The following ITGA8 variants were observed in gnomAD, a reference collection of about 807,000 sequenced individuals.
ITGA8 encodes the protein integrin alpha-8.
In ITGA8, 91 loss-of-function variants were observed where a neutral mutation model predicts 142.3. The ratio of observed to expected loss-of-function variants is 0.64; its 90% CI spans 0.54 to 0.76. The LOEUF (loss-of-function observed/expected upper bound fraction) is 0.76, where lower values mean the gene tolerates loss of function less well. ITGA8 is among the 30% of genes least tolerant of loss of function. The pLI, the probability that ITGA8 is intolerant of heterozygous loss-of-function variation, is 0.00. For missense variants in ITGA8, 1,406 were observed against 1,327.7 expected, an observed-to-expected ratio of 1.06 and a Z score of -0.92; for synonymous variants, 505 against 485.2, an observed-to-expected ratio of 1.04 and a Z score of -0.54.
At chr10:15,663,535 C>G (rs1834328998) in intron 8 of ITGA8, among the ~76,000 whole-genome samples, 1 of 151,632 alleles carries the variant, frequency 6.6e-6, no homozygotes, top group Non-Finnish European at 1.5e-5. Flanking sequence ...TTTCTTGGGT[C>G]AAAACTGAAT....
chr10:15,628,250 G>T (rs543800252), intron 13 of ITGA8, among the ~76,000 whole-genome samples: 1 of 151,140 alleles, frequency 6.6e-6, no homozygotes, highest in South Asian at 2.1e-4. Context: ...TCTGCCTATG[G>T]CAGCCATTCT....
Position 15,586,565 on chromosome 10 carries a change from T to C in ITGA8, c.2372+19A>G. The C allele has an allele frequency of 2.1e-6, 3 of 1,450,162 alleles. No individual in the cohort carries two copies. The highest frequency in any genetic ancestry group is 2.9e-6 in the Non-Finnish European group (3 of 1,030,794). 89.8% of individuals were successfully genotyped at this position (1,450,162 alleles called of 1,614,324 possible). The stretch of plus-strand genomic sequence containing the variant: ...CTACATACAGAAGGATATTGTACTA[T>C]GCATTGCTTACTACTTACCCTCTTA... On this transcript the variant is annotated intron_variant, in intron 23 of 29. Transcript: ENST00000378076.
intron 12 of ITGA8, among the ~76,000 whole-genome samples, chr10:15,645,745 G>A (rs1588695779): frequency 1.3e-5 from 2 of 151,988 alleles, no homozygotes; most frequent in African/African-American, 4.8e-5. Context: ...CACTATGCTC[G>A]GTTCTTAACT....
At chr10:15,652,517 T>C (rs1192401426) in intron 11 of ITGA8, among the ~76,000 whole-genome samples, 1 of 152,012 alleles carries the variant, frequency 6.6e-6, no homozygotes, top group Non-Finnish European at 1.5e-5. Flanking sequence ...GTAAGCGTTA[T>C]GAAAACTGGA....
intron 24 of ITGA8, among the ~76,000 whole-genome samples, chr10:15,573,163 C>T (rs1834218796): frequency 1.3e-5 from 2 of 151,658 alleles, no homozygotes; most frequent in Non-Finnish European, 2.9e-5. Flanking sequence ...TTTAATTCAC[C>T]TTATCAAAGA....
At chr10:15,594,642 T>G (rs963391241) in intron 21 of ITGA8, among the ~76,000 whole-genome samples, 73 of 151,884 alleles carry the variant, frequency 4.8e-4, no homozygotes, top group African/African-American at 1.7e-3. Context: ...ACTAGCTGAG[T>G]GTGGTGGTGA....
At chr10:15,567,636 A>G (rs945190736) in intron 25 of ITGA8, among the ~76,000 whole-genome samples, 1 of 152,194 alleles carries the variant, frequency 6.6e-6, no homozygotes, top group South Asian at 2.1e-4. Flanking sequence ...AGAAACAGGA[A>G]CTCAAAGGCA....
rs1835532254 is a variant in ITGA8, at chr10:15,719,871, G to A, written c.-100C>T. On this transcript the variant is annotated 5_prime_UTR_variant, in exon 1 of 30. It adds an upstream start codon to the 5' untranslated region. Coordinates refer to ENST00000378076, the MANE Select transcript of ITGA8 (RefSeq NM_003638.3). ...GGAATCTGGCGGTCCCCAGCTGCCC[G>A]TGTCCCGGGTCGGTGCGCTCGGCGC... The A allele has an allele frequency of 3.2e-6, 3 of 934,546 alleles. No homozygotes were observed. Among genetic ancestry groups the A allele is most frequent in the East Asian group, 3.3e-5 (1 of 30,194 alleles). 57.9% of individuals were successfully genotyped at this position (934,546 alleles called of 1,614,324 possible). A position where few individuals can be genotyped will look rare whatever the true frequency, so the allele number is the denominator to read the frequency against.
intron 10 of ITGA8, among the ~76,000 whole-genome samples, chr10:15,657,404 C>T (rs537542161): frequency 5.9e-5 from 9 of 151,924 alleles, no homozygotes; most frequent in East Asian, 3.9e-4. Context: ...TAAAATGCTT[C>T]GCTGAAAATT....
chr10:15,544,260 T>C (rs562719768), intron 27 of ITGA8, among the ~76,000 whole-genome samples: 11 of 152,156 alleles, frequency 7.2e-5, no homozygotes, highest in Non-Finnish European at 1.6e-4. Flanking sequence ...ACTGCACCAC[T>C]TCACTCCAGC....
At chr10:15,534,275 C>G (rs553137752) in intron 27 of ITGA8, among the ~76,000 whole-genome samples, 1 of 152,198 alleles carries the variant, frequency 6.6e-6, no homozygotes, top group Non-Finnish European at 1.5e-5. Flanking sequence ...AGATCAGTCT[C>G]AGAGATTCTG....
intron 12 of ITGA8, among the ~76,000 whole-genome samples, chr10:15,644,986 G>C (rs1833951654): frequency 6.6e-6 from 1 of 150,766 alleles, no homozygotes; most frequent in Non-Finnish European, 1.5e-5. Flanking sequence ...CCAGCTACTC[G>C]GGAGGCTGAG....
chr10:15,526,505 G>A (rs2131536949), intron 28 of ITGA8, among the ~76,000 whole-genome samples: 1 of 152,226 alleles, frequency 6.6e-6, no homozygotes, highest in South Asian at 2.1e-4. Flanking sequence ...CAAGAAGGTA[G>A]ACTCAGGGCA....
At chr10:15,542,179 T>G (rs1833581796) in intron 27 of ITGA8, among the ~76,000 whole-genome samples, 1 of 152,230 alleles carries the variant, frequency 6.6e-6, no homozygotes. Context: ...TCTATAATCA[T>G]AGATACAATA....
intron 3 of ITGA8, among the ~76,000 whole-genome samples, chr10:15,685,561 T>G (rs1834819264): frequency 6.6e-6 from 1 of 152,220 alleles, no homozygotes; most frequent in South Asian, 2.1e-4. Context: ...CAAATGATTA[T>G]GCATTTGTTG....
intron 15 of ITGA8, among the ~76,000 whole-genome samples, chr10:15,611,898 A>C (rs1833304524): frequency 6.6e-6 from 1 of 152,144 alleles, no homozygotes; most frequent in African/African-American, 2.4e-5. Flanking sequence ...AAACAACAAC[A>C]TTCTATATCA....
intron 28 of ITGA8, among the ~76,000 whole-genome samples, chr10:15,524,010 C>T (rs1833119441): frequency 6.6e-6 from 1 of 152,152 alleles, no homozygotes; most frequent in South Asian, 2.1e-4. Context: ...ATATGCATTT[C>T]CTCCATGTCA....
At chr10:15,671,698 A>G (rs746170237) in intron 7 of ITGA8, 51 bp from the exon 8 acceptor site, 1 of 1,413,766 alleles carries the variant, frequency 7.1e-7, no homozygotes, top group Non-Finnish European at 1.0e-6. Flanking sequence ...ACTTAACCTA[A>G]TGAGTTATAT....
At chr10:15,532,514 G>T (rs1211275459) in intron 27 of ITGA8, among the ~76,000 whole-genome samples, 1 of 148,896 alleles carries the variant, frequency 6.7e-6, no homozygotes, top group Non-Finnish European at 1.5e-5. Flanking sequence ...CTGACCTAGA[G>T]CCAAACAGTG....
Sources: allele counts gnomAD v4.1 joint callset (sites outside exome capture counted in the v4.1 genomes callset), GRCh38; gene constraint gnomAD v4.1.1; transcripts MANE v1.5; gene names NCBI Gene and HGNC (gene_info 2026-07-23, HGNC 2026-07-21).